Variants in SLC4A8 observed in about 807,000 individuals in gnomAD.
SLC4A8 encodes electroneutral sodium bicarbonate exchanger 1.
A neutral mutation model predicts 125.0 loss-of-function variants in SLC4A8; 40 were observed. The observed-to-expected ratio is 0.32, with a 90% CI of 0.25 to 0.42. SLC4A8 has a LOEUF of 0.42. Ranked by LOEUF, SLC4A8 falls within the 10% of genes least tolerant of loss-of-function variation. The pLI, the probability that SLC4A8 is intolerant of heterozygous loss-of-function variation, is 1.00. For missense variants in SLC4A8, 863 were observed against 1,355.1 expected (o/e 0.64, Z 5.70); for synonymous variants, 456 against 476.0 (o/e 0.96, Z 0.55).
At chr12:51,487,047 C>G (rs1185044765) in intron 17 of SLC4A8, among the ~76,000 whole-genome samples, 1 of 152,108 alleles carries the variant, frequency 6.6e-6, no homozygotes, top group Non-Finnish European at 1.5e-5. Context: ...ATTAAGCGGT[C>G]CTTGGAAAGG....
chr12:51,418,248 G>T (rs1948724531), intron 1 of SLC4A8, among the ~76,000 whole-genome samples: 1 of 152,180 alleles, frequency 6.6e-6, no homozygotes, highest in Admixed American at 6.5e-5. Context: ...TCATTCGATG[G>T]TGAGTACTCT....
Position 51,425,018 on chromosome 12 carries a change from G to A in SLC4A8, c.31G>A (p.Gly11Ser). The A allele has an allele frequency of 2.6e-6, 4 of 1,556,742 alleles. No individual in the cohort carries two copies. In the South Asian group the frequency reaches 3.6e-5, roughly 14 times the overall value. Reference protein sequence around the residue: MPAAGSNEPDGVLSYQRPDEE... With the variant: MPAAGSNEPDSVLSYQRPDEE... ...GGCCGCCGGGAGTAACGAGCCGGAC[G>A]GCGTCCTCAGCTATCAGGTAGGGCC... Residue 11 changes from glycine (G) to serine (S), a missense_variant, in exon 1 of 25, where the codon GGC becomes AGC. Coordinates refer to ENST00000453097, the MANE Select transcript of SLC4A8 (RefSeq NM_001039960.3).
At chr12:51,474,302 G>T in intron 14 of SLC4A8, 40 bp from the exon 15 acceptor site, 1 of 1,285,962 alleles carries the variant, frequency 7.8e-7, no homozygotes, top group South Asian at 1.3e-5. Context: ...CTGAGTATTT[G>T]GCTGTTTTCC....
At chr12:51,458,692 C>T in intron 7 of SLC4A8, 42 bp downstream of exon 7, 3 of 1,335,280 alleles carry the variant, frequency 2.2e-6, no homozygotes, top group Non-Finnish European at 3.2e-6. Context: ...GCCTAAGGTT[C>T]CTTTTAGTGG....
At chr12:51,406,424 G>A (rs1948490217) in intron 1 of SLC4A8, among the ~76,000 whole-genome samples, 1 of 152,202 alleles carries the variant, frequency 6.6e-6, no homozygotes. Context: ...TATCTGTAAG[G>A]AGCTTCCAGT....
intron 16 of SLC4A8, among the ~76,000 whole-genome samples, chr12:51,481,331 G>T (rs369092793): frequency 6.6e-6 from 1 of 152,012 alleles, no homozygotes; most frequent in East Asian, 1.9e-4. Context: ...GAGCAACTTT[G>T]CTACCATCCC....
In SLC4A8 at chr12:51,510,537, T is replaced by G. The variant is rs1417068520; in HGVS notation, c.*3099T>G. The G allele has an allele frequency of 6.6e-6, 1 of 152,178 alleles. No individual in the cohort carries two copies. Among genetic ancestry groups the G allele is most frequent in the African/African-American group, 2.4e-5 (1 of 41,454 alleles). The allele number at this position is 152,178 out of a possible 1,614,324, so 9.4% of individuals were successfully genotyped here. ...CGACCTTTCCATCAAGGATCTTGAA[T>G]TTTTTCTCAATTATGCTTGCTAATG... On this transcript the variant is annotated 3_prime_UTR_variant, in exon 25 of 25. Coordinates refer to ENST00000453097, the MANE Select transcript of SLC4A8 (RefSeq NM_001039960.3).
intron 22 of SLC4A8, among the ~76,000 whole-genome samples, chr12:51,498,755 C>A (rs565208570): frequency 8.3e-4 from 123 of 147,980 alleles, no homozygotes; most frequent in Non-Finnish European, 1.5e-3. Context: ...GTGGCAGGCG[C>A]CTATAATCTA....
At chr12:51,463,530 G>C in intron 10 of SLC4A8, 84 bp from the exon 11 acceptor site, 1 of 1,000,978 alleles carries the variant, frequency 1.0e-6, no homozygotes, top group Non-Finnish European at 1.6e-6. Context: ...GTTGCTTTTG[G>C]GTTATCCCAT....
At chr12:51,451,883 G>T (rs1949986149) in intron 3 of SLC4A8, among the ~76,000 whole-genome samples, 1 of 151,650 alleles carries the variant, frequency 6.6e-6, no homozygotes, top group African/African-American at 2.4e-5. Flanking sequence ...CAATCTTTTT[G>T]ATCAAATTCA....
At chr12:51,478,425 C>T (rs191577572) in intron 16 of SLC4A8, among the ~76,000 whole-genome samples, 10 of 151,694 alleles carry the variant, frequency 6.6e-5, no homozygotes, top group South Asian at 2.1e-4. Context: ...GGCAACAGAG[C>T]GAGACTCCAT....
chr12:51,434,517 A>T (rs1414461307), intron 1 of SLC4A8, among the ~76,000 whole-genome samples: 1 of 152,356 alleles, frequency 6.6e-6, no homozygotes, highest in South Asian at 2.1e-4. Flanking sequence ...CTTTGGCAAG[A>T]CAAAGAAAAT....
At chr12:51,495,159 T>A in intron 21 of SLC4A8, 41 bp downstream of exon 21, 4 of 1,498,470 alleles carry the variant, frequency 2.7e-6, no homozygotes, top group Non-Finnish European at 3.7e-6. Context: ...TTATCATTGT[T>A]ATTTTTTAGT....
rs973581827 is a variant in SLC4A8 at position 51,512,883 on chromosome 12, A to C, written c.*5445A>C. ...GATGTTTAAACTCAGCATGAAGGAGAAACAAATTTAGGAGTGGAAAGCAAG... is the reference window on the plus strand; with the variant it reads ...GATGTTTAAACTCAGCATGAAGGAGCAACAAATTTAGGAGTGGAAAGCAAG... On this transcript the variant is annotated 3_prime_UTR_variant, in exon 25 of 25. Transcript: ENST00000453097. 1.3e-5 allele frequency: 2 copies of C among 152,206 alleles called. No homozygotes were observed. Among genetic ancestry groups the C allele is most frequent in the Non-Finnish European group, 2.9e-5 (2 of 68,030 alleles). The allele number at this position is 152,206 out of a possible 1,614,324, so 9.4% of individuals were successfully genotyped here.
intron 1 of SLC4A8, among the ~76,000 whole-genome samples, chr12:51,435,967 C>T (rs532832750): frequency 3.9e-5 from 6 of 152,096 alleles, no homozygotes; most frequent in Non-Finnish European, 8.8e-5. Flanking sequence ...CTCATTGCTA[C>T]TGATTGATCA....
rs181934620 is a variant in SLC4A8 at position 51,491,184 on chromosome 12, G to A, written c.2700+1233G>A. ...GATCAGATTTGGAGTGAGATGTCTG[G>A]GAGTCATCTAAGTGAAGAGGCTAGA... is the stretch of plus-strand genomic sequence containing the variant. On this transcript the variant is annotated intron_variant, in intron 19 of 24. Transcript: ENST00000453097. Among the ~76,000 whole-genome samples the A allele has an allele frequency of 9.9e-5, 15 of 152,232 alleles. No individual in the cohort carries two copies. The East Asian group carries it at 2.3e-3, about 23-fold the overall frequency.
intron 5 of SLC4A8, among the ~76,000 whole-genome samples, chr12:51,455,032 G>A (rs1950092665): frequency 8.7e-6 from 1 of 114,676 alleles, no homozygotes; most frequent in Non-Finnish European, 1.8e-5. Context: ...CTGCCTTCAA[G>A]CATCTGTTTA....
chr12:51,505,148 G>A (rs1938112513), intron 23 of SLC4A8, among the ~76,000 whole-genome samples: 1 of 152,168 alleles, frequency 6.6e-6, no homozygotes, highest in Admixed American at 6.5e-5. Flanking sequence ...TTATCTGGTG[G>A]CAAAGTAGGA....
chr12:51,448,865 T>C (rs931950046), intron 2 of SLC4A8, among the ~76,000 whole-genome samples: 20 of 151,840 alleles, frequency 1.3e-4, no homozygotes, highest in Non-Finnish European at 2.6e-4. Context: ...GGGAGTTAGG[T>C]TGTGACTGTT....
Sources: gnomAD v4.1 joint callset for allele counts (sites outside exome capture counted in the v4.1 genomes callset) on GRCh38, gnomAD v4.1.1 for gene constraint, MANE v1.5 for transcripts, NCBI Gene and HGNC (gene_info 2026-07-23, HGNC 2026-07-21) for gene names.